Variants in DVL3 observed in about 807,000 individuals in gnomAD.
DVL3 encodes segment polarity protein dishevelled homolog DVL-3.
In DVL3, 27 loss-of-function variants were observed where a neutral mutation model predicts 67.4. The observed-to-expected ratio is 0.40, with a 90% CI of 0.30 to 0.55. DVL3 has a LOEUF of 0.55. DVL3 is among the 20% of genes least tolerant of loss of function. The pLI is 0.46. For synonymous variants in DVL3, 369 were observed against 396.8 expected (o/e 0.93, Z 0.83); for missense variants, 819 against 1,021.5 (o/e 0.80, Z 2.70).
At position 184,170,342 on chromosome 3, in the gene DVL3, C is replaced by G; in HGVS notation, c.1738C>G (p.Arg580Gly). 6.2e-7 allele frequency: 1 copy of G among 1,604,584 alleles called. No homozygotes were observed. The highest frequency in any genetic ancestry group is 8.5e-7 in the Non-Finnish European group (1 of 1,175,952). Reference protein sequence around the residue: ...SEGSRSSGSNRSGSDRRKEKD... With the variant: ...SEGSRSSGSNGSGSDRRKEKD... ...AGGCAGTCGGAGCAGTGGCTCCAAC[C>G]GTAGCGGCAGCGATCGGAGGAAGGA... The change falls in exon 15 of 15, where the codon CGT (arginine) becomes GGT (glycine). Residue 580 changes from arginine (R) to glycine (G), a missense_variant. Physicochemically the swap from Arg to Gly is moderately radical, Grantham distance 125. Around this residue, in one of 3 missense-constraint regions of DVL3, gnomAD observed 324 missense variants for 331.3 expected, o/e 0.98. Coordinates refer to ENST00000313143, the MANE Select transcript of DVL3 (RefSeq NM_004423.4). This position sits in a 1 kb window ranked among gnomAD's most constrained non-coding sequence, Gnocchi z 6.5.
Position 184,166,116 on chromosome 3 carries a change from C to T in DVL3, c.764-10C>T. 1 of 1,611,600 alleles carries T rather than the reference C, an allele frequency of 6.2e-7. No individual in the cohort carries two copies. Among genetic ancestry groups the T allele is most frequent in the Middle Eastern group, 1.7e-4 (1 of 6,048 alleles). On this transcript the variant is annotated splice_polypyrimidine_tract_variant and intron_variant, in intron 7 of 14. Transcript: ENST00000313143. This position sits in a 1 kb window ranked among gnomAD's most constrained non-coding sequence, Gnocchi z 6.7. ...TGCTCCCCCTTAAGGTCTTAAATTA[C>T]TCTCTATAGAAAAATATAACTTCTT...
chr3:184,163,237 A>G lies in DVL3; in HGVS notation c.162-420A>G, dbSNP rs545800154. 2.0e-5 allele frequency among the ~76,000 whole-genome samples: 3 copies of G among 152,288 alleles called. No individual in the cohort carries two copies. The highest frequency in any genetic ancestry group is 7.2e-5 in the African/African-American group (3 of 41,552). ...TAAATTCTTTGTCCATACCTCCCAC[A>G]ACAATGTTAGGATTCCCACTTAAGA... is the stretch of plus-strand genomic sequence containing the variant. On this transcript the variant is annotated intron_variant, in intron 1 of 14. Transcript: ENST00000313143. The surrounding 1 kb of genome is among the most constrained non-coding windows in gnomAD (Gnocchi z 4.5).
chr3:184,160,227 A>C (rs1714334747), intron 1 of DVL3, among the ~76,000 whole-genome samples: 1 of 151,950 alleles, frequency 6.6e-6, no homozygotes, highest in Admixed American at 6.6e-5. Flanking sequence ...CTGGGATTAC[A>C]GGCCTGAGCC....
rs1284366520 is a variant in DVL3 at position 184,167,606 on chromosome 3, C to T, written c.1225C>T (p.His409Tyr). Residue 409 changes from histidine (H) to tyrosine (Y), a missense_variant, in exon 12 of 15, where the codon CAC (histidine) becomes TAC (tyrosine). Coordinates refer to ENST00000313143, the MANE Select transcript of DVL3 (RefSeq NM_004423.4). This position sits in a 1 kb window ranked among gnomAD's most constrained non-coding sequence, Gnocchi z 4.6. Reference protein sequence around the residue: ...ERLDDFHLSIHSDMAAIVKAM... With the variant: ...ERLDDFHLSIYSDMAAIVKAM... ...CCTAGACGACTTCCACTTGTCCATC[C>T]ACAGTGACATGGCTGCCATCGTAAA... 2.5e-6 allele frequency: 4 copies of T among 1,613,966 alleles called. No homozygotes were observed. Among genetic ancestry groups the T allele is most frequent in the South Asian group, 2.2e-5 (2 of 91,078 alleles).
chr3:184,167,633 G>C lies in DVL3; in HGVS notation c.1252G>C (p.Ala418Pro). 1 of 1,614,126 alleles carries C rather than the reference G, an allele frequency of 6.2e-7. No individual in the cohort carries two copies. The highest frequency in any genetic ancestry group is 8.5e-7 in the Non-Finnish European group (1 of 1,180,010). ...CAGTGACATGGCTGCCATCGTAAAA[G>C]CCATGGCCTCCCCTGAATCAGGGTT... ...IHSDMAAIVKAMASPESGLEV... is the reference protein window; with the variant it reads ...IHSDMAAIVKPMASPESGLEV... Residue 418 changes from alanine to proline, a missense_variant, in exon 12 of 15, where the codon GCC (alanine) becomes CCC (proline). Physicochemically the swap from Ala to Pro is conservative, Grantham distance 27. Around this residue, in one of 3 missense-constraint regions of DVL3, gnomAD observed 110 missense variants for 203.4 expected, o/e 0.54. Transcript: ENST00000313143. The surrounding 1 kb of genome is among the most constrained non-coding windows in gnomAD (Gnocchi z 4.6).
rs199549747 is a variant in DVL3, at chr3:184,165,412, T to C, written c.694-10T>C. On this transcript the variant is annotated splice_polypyrimidine_tract_variant and intron_variant, in intron 6 of 14. Coordinates refer to ENST00000313143, the MANE Select transcript of DVL3 (RefSeq NM_004423.4). This position sits in a 1 kb window ranked among gnomAD's most constrained non-coding sequence, Gnocchi z 4.1. ...CTCCACCTGCTGCTCAGGGCCTCTG[T>C]CTATTCCAGTCCTCGTCCTTCAGCA... The C allele has an allele frequency of 2.5e-6, 4 of 1,613,872 alleles. No homozygotes were observed. In the African/African-American group the frequency reaches 4.0e-5, roughly 16 times the overall value.
In DVL3 at chr3:184,170,817, T is replaced by C; in HGVS notation, c.*62T>C. ...CCAGCCGGCTGCGTTCCTCTCTCCA[T>C]CCGTCCGTCTTTTTTACTTTGTCTG... On this transcript the variant is annotated 3_prime_UTR_variant, in exon 15 of 15. Transcript: ENST00000313143. The surrounding 1 kb of genome is among the most constrained non-coding windows in gnomAD (Gnocchi z 6.5). The C allele has an allele frequency of 1.3e-6, 2 of 1,594,002 alleles. No homozygotes were observed. The highest frequency in any genetic ancestry group is 1.7e-6 in the Non-Finnish European group (2 of 1,170,764).
chr3:184,155,616 C>G lies in DVL3; in HGVS notation c.-20C>G, dbSNP rs372114231. 5.1e-5 allele frequency: 68 copies of G among 1,334,230 alleles called. 1 individual carries two copies. The African/African-American group carries it at 1.0e-3, about 20-fold the overall frequency. The allele number at this position is 1,334,230 out of a possible 1,614,324, so 82.6% of individuals were successfully genotyped here. On this transcript the variant is annotated 5_prime_UTR_variant, in exon 1 of 15. Transcript: ENST00000313143. The surrounding 1 kb of genome is among the most constrained non-coding windows in gnomAD (Gnocchi z 5.4). ...GCCCGAGCAGGCCGCGCGCGGGCCG[C>G]CGGGCCCGAGGCCAGAGCCATGGGC... is the stretch of plus-strand genomic sequence containing the variant.
chr3:184,162,653 C>A (rs1709644), intron 1 of DVL3, among the ~76,000 whole-genome samples: 2 of 150,028 alleles, frequency 1.3e-5, no homozygotes, highest in East Asian at 2.0e-4. Context: ...TCCACCTGCC[C>A]GATTCAAGTG....
rs59843451 is a variant in DVL3 at position 184,172,246 on chromosome 3, C to G, written c.*1491C>G. Reference sequence around the variant, plus strand: ...CTTCCAGGACTTCCAGACAGAGTACCAGGTTTTATTTTTCACCTTATTCTC... The same window carrying G: ...CTTCCAGGACTTCCAGACAGAGTACGAGGTTTTATTTTTCACCTTATTCTC... On this transcript the variant is annotated 3_prime_UTR_variant, in exon 15 of 15. Transcript: ENST00000313143. 2 of 152,204 alleles carry G rather than the reference C, an allele frequency of 1.3e-5. No homozygotes were observed. Among genetic ancestry groups the G allele is most frequent in the Admixed American group, 1.3e-4 (2 of 15,296 alleles). The allele number at this position is 152,204 out of a possible 1,614,324, so 9.4% of individuals were successfully genotyped here.
Position 184,165,636 on chromosome 3 carries a change from A to G in DVL3, c.763+145A>G, listed in dbSNP as rs1212019535. 8 of 705,372 alleles carry G rather than the reference A, an allele frequency of 1.1e-5. No individual in the cohort carries two copies. The African/African-American group carries it at 1.4e-4, about 12-fold the overall frequency. The allele number at this position is 705,372 out of a possible 1,614,324, so 43.7% of individuals were successfully genotyped here. A position where few individuals can be genotyped will look rare whatever the true frequency, so the allele number is the denominator to read the frequency against. Reference sequence around the variant, plus strand: ...AGCTGATACATAAACTGATCATTTTAGTATCTCACCATCAGGGCTATGACA... The same window carrying G: ...AGCTGATACATAAACTGATCATTTTGGTATCTCACCATCAGGGCTATGACA... On this transcript the variant is annotated intron_variant, in intron 7 of 14. Coordinates refer to ENST00000313143, the MANE Select transcript of DVL3 (RefSeq NM_004423.4). This position sits in a 1 kb window ranked among gnomAD's most constrained non-coding sequence, Gnocchi z 4.1.
At chr3:184,169,236 C>T (rs1714712261) in intron 13 of DVL3, among the ~76,000 whole-genome samples, 1 of 152,236 alleles carries the variant, frequency 6.6e-6, no homozygotes, top group African/African-American at 2.4e-5. Context: ...AAGTAAGCTA[C>T]TCTTCGCGTC....
In DVL3 at chr3:184,170,278, C is replaced by T. The variant is rs1216538372; in HGVS notation, c.1715-41C>T. 3 of 1,594,978 alleles carry T rather than the reference C, an allele frequency of 1.9e-6. No individual in the cohort carries two copies. Among genetic ancestry groups the T allele is most frequent in the South Asian group, 1.1e-5 (1 of 89,084 alleles). On this transcript the variant is annotated intron_variant, in intron 14 of 14. Coordinates refer to ENST00000313143, the MANE Select transcript of DVL3 (RefSeq NM_004423.4). This position sits in a 1 kb window ranked among gnomAD's most constrained non-coding sequence, Gnocchi z 6.5. ...AGGTGGGCCCCAGGCTTCCCCCGCCCGCTCAGCCTGCCCCACCCCGGCCCT... is the reference window on the plus strand; with the variant it reads ...AGGTGGGCCCCAGGCTTCCCCCGCCTGCTCAGCCTGCCCCACCCCGGCCCT...
chr3:184,162,269 C>A (rs1043004953), intron 1 of DVL3, among the ~76,000 whole-genome samples: 8 of 151,550 alleles, frequency 5.3e-5, no homozygotes, highest in Non-Finnish European at 1.2e-4. Context: ...CCTTGAACTC[C>A]TAGGCTCAAG....
chr3:184,169,288 A>C (rs943881575), intron 13 of DVL3, among the ~76,000 whole-genome samples: 2 of 152,212 alleles, frequency 1.3e-5, no homozygotes, highest in Non-Finnish European at 2.9e-5. Context: ...AGTGTTCGCT[A>C]TTGTGCCTCA....
Position 184,164,690 on chromosome 3 carries a change from G to A in DVL3, c.463+89G>A, listed in dbSNP as rs1296707208. 4.2e-5 allele frequency: 66 copies of A among 1,570,726 alleles called. No individual in the cohort carries two copies. The highest frequency in any genetic ancestry group is 4.8e-5 in the Non-Finnish European group (56 of 1,154,932). ...TACCCACCTTCTTGCCCTACTTCCC[G>A]AGCTCAGGATATGCCTGGCCCCAGT... On this transcript the variant is annotated intron_variant, in intron 4 of 14. Coordinates refer to ENST00000313143, the MANE Select transcript of DVL3 (RefSeq NM_004423.4). This position sits in a 1 kb window ranked among gnomAD's most constrained non-coding sequence, Gnocchi z 5.3.
At position 184,166,452 on chromosome 3, in the gene DVL3, G is replaced by A; in HGVS notation, c.910G>A (p.Glu304Lys). The A allele has an allele frequency of 2.5e-6, 4 of 1,614,156 alleles. No individual in the cohort carries two copies. The highest frequency in any genetic ancestry group is 1.1e-5 in the South Asian group (1 of 91,062). ...ACTCCTGGTCCTTTCCCAGGTAAAC[G>A]AGATCAACTTTGAGAACATGAGTAA... ...EPGDMLLQVN[E>K]INFENMSNDD... The change falls in exon 9 of 15, where the codon GAG becomes AAG. Residue 304 changes from glutamate to lysine, a missense_variant. Transcript: ENST00000313143. The surrounding 1 kb of genome is among the most constrained non-coding windows in gnomAD (Gnocchi z 6.7).
At position 184,173,144 on chromosome 3, in the gene DVL3, C is replaced by T. The variant is rs1326659867; in HGVS notation, c.*2389C>T. The T allele has an allele frequency of 6.6e-6, 1 of 152,306 alleles. No individual in the cohort carries two copies. Among genetic ancestry groups the T allele is most frequent in the East Asian group, 1.9e-4 (1 of 5,206 alleles). The allele number at this position is 152,306 out of a possible 1,614,324, so 9.4% of individuals were successfully genotyped here. A position where few individuals can be genotyped will look rare whatever the true frequency, so the allele number is the denominator to read the frequency against. On this transcript the variant is annotated 3_prime_UTR_variant, in exon 15 of 15. Transcript: ENST00000313143. ...TATTGGTATTACCTACTGGACATCT[C>T]TATGGACAGTTCCGTATAGACTCAA... is the stretch of plus-strand genomic sequence containing the variant.
Position 184,167,784 on chromosome 3 carries a change from C to G in DVL3, c.1330+73C>G, listed in dbSNP as rs1310481571. ...GCAGGGCAGGCCGGAGGGCCCAGGACTTGCCTTGGACCCTTCCTTTGATCT... is the reference window on the plus strand; with the variant it reads ...GCAGGGCAGGCCGGAGGGCCCAGGAGTTGCCTTGGACCCTTCCTTTGATCT... On this transcript the variant is annotated intron_variant, in intron 12 of 14. Coordinates refer to ENST00000313143, the MANE Select transcript of DVL3 (RefSeq NM_004423.4). The surrounding 1 kb of genome is among the most constrained non-coding windows in gnomAD (Gnocchi z 4.6). 1 of 1,591,568 alleles carries G rather than the reference C, an allele frequency of 6.3e-7. No individual in the cohort carries two copies. The highest frequency in any genetic ancestry group is 1.3e-5 in the African/African-American group (1 of 74,638).
Sources: gnomAD v4.1 joint callset for allele counts (sites outside exome capture counted in the v4.1 genomes callset) on GRCh38, gnomAD v4.1.1 for gene constraint, gnomAD v4.1.1 regional missense constraint, Gnocchi (gnomAD v3.1) non-coding constraint, MANE v1.5 for transcripts, NCBI Gene and HGNC (gene_info 2026-07-23, HGNC 2026-07-21) for gene names.